Variants in MAP2K5 observed in about 807,000 individuals in gnomAD.
MAP2K5 encodes the protein dual specificity mitogen-activated protein kinase kinase 5.
In MAP2K5, 49 loss-of-function variants were observed where a neutral mutation model predicts 83.1. The ratio of observed to expected loss-of-function variants is 0.59; its 90% CI spans 0.47 to 0.75. The LOEUF is 0.75. Ranked by LOEUF, MAP2K5 falls within the 30% of genes least tolerant of loss-of-function variation. MAP2K5 has a pLI of 0.00. For synonymous variants in MAP2K5, 202 were observed against 191.8 expected (o/e 1.05, Z -0.44); for missense variants, 457 against 557.5 (o/e 0.82, Z 1.82).
intron 12 of MAP2K5, among the ~76,000 whole-genome samples, chr15:67,664,072 C>T (rs994271939): frequency 6.6e-6 from 1 of 151,980 alleles, no homozygotes; most frequent in Non-Finnish European, 1.5e-5. Flanking sequence ...ATTTGGAGTA[C>T]CTTATCTTCA....
intron 8 of MAP2K5, among the ~76,000 whole-genome samples, chr15:67,605,916 G>T (rs975220622): frequency 6.6e-6 from 1 of 152,154 alleles, no homozygotes; most frequent in African/African-American, 2.4e-5. Flanking sequence ...AGAAGAAAAA[G>T]AATATCCACA....
At position 67,801,091 on chromosome 15, in the gene MAP2K5, G is replaced by A. The variant is rs1057134181; in HGVS notation, c.1243-5555G>A. Among the ~76,000 whole-genome samples the A allele has an allele frequency of 2.0e-5, 3 of 152,150 alleles. No individual in the cohort carries two copies. Among genetic ancestry groups the A allele is most frequent in the African/African-American group, 4.8e-5 (2 of 41,424 alleles). On this transcript the variant is annotated intron_variant, in intron 21 of 21. Coordinates refer to ENST00000178640, the MANE Select transcript of MAP2K5 (RefSeq NM_145160.3). This position sits in a 1 kb window ranked among gnomAD's most constrained non-coding sequence, Gnocchi z 4.8. ...CACCTCACACCCTATGGCTCCGCTG[G>A]ACTGTGAGATCCCATCTAGTCCTAA...
At chr15:67,709,056 C>T (rs1473146354) in intron 16 of MAP2K5, among the ~76,000 whole-genome samples, 1 of 152,264 alleles carries the variant, frequency 6.6e-6, no homozygotes, top group East Asian at 1.9e-4. Context: ...TGATGTATGG[C>T]AGTTTGACTT....
intron 8 of MAP2K5, among the ~76,000 whole-genome samples, chr15:67,623,229 G>A (rs1310942906): frequency 1.3e-5 from 2 of 152,170 alleles, no homozygotes; most frequent in Non-Finnish European, 2.9e-5. Flanking sequence ...TGACGTTTCT[G>A]CTGAGATTAA....
chr15:67,570,594 C>A (rs2084930624), intron 3 of MAP2K5, among the ~76,000 whole-genome samples: 1 of 152,116 alleles, frequency 6.6e-6, no homozygotes, highest in Non-Finnish European at 1.5e-5. Context: ...TGTGAGAGGT[C>A]AGCATCATAA....
chr15:67,590,620 G>T (rs890630518), intron 6 of MAP2K5, among the ~76,000 whole-genome samples: 1 of 151,956 alleles, frequency 6.6e-6, no homozygotes, highest in South Asian at 2.1e-4. Context: ...GCCTGGCTAA[G>T]TTTTTAATTT....
At chr15:67,654,862 A>G (rs184774299) in intron 11 of MAP2K5, among the ~76,000 whole-genome samples, 3 of 152,212 alleles carry the variant, frequency 2.0e-5, no homozygotes, top group Admixed American at 2.0e-4. Context: ...GGAGTTCAAG[A>G]TTAGCCTGGC....
At chr15:67,656,217 C>A (rs1318874185) in intron 11 of MAP2K5, among the ~76,000 whole-genome samples, 2 of 152,096 alleles carry the variant, frequency 1.3e-5, no homozygotes, top group African/African-American at 4.8e-5. Context: ...AAATTAAATT[C>A]TGTCAATTTG....
At position 67,690,767 on chromosome 15, in the gene MAP2K5, C is replaced by G. The variant is rs2088089623; in HGVS notation, c.848-1712C>G. Among the ~76,000 whole-genome samples, 1 of 152,090 alleles carries G rather than the reference C, an allele frequency of 6.6e-6. No homozygotes were observed. The highest frequency in any genetic ancestry group is 1.5e-5 in the Non-Finnish European group (1 of 68,022). ...CAGGCTGGTCTTGAACTCCTGACCC[C>G]CAGTGATCTGCCTGCCTCAGCCTCC... On this transcript the variant is annotated intron_variant, in intron 13 of 21. Transcript: ENST00000178640. The surrounding 1 kb of genome is among the most constrained non-coding windows in gnomAD (Gnocchi z 4.3).
intron 3 of MAP2K5, among the ~76,000 whole-genome samples, chr15:67,569,820 C>T (rs2084915404): frequency 6.6e-6 from 1 of 152,134 alleles, no homozygotes; most frequent in South Asian, 2.1e-4. Flanking sequence ...GGCTCTGCTC[C>T]CAGTTCAGTT....
At position 67,724,654 on chromosome 15, in the gene MAP2K5, T is replaced by C. The variant is rs1194345182; in HGVS notation, c.1045-3262T>C. ...CCCAATAGAACTTGATAAAAAGAGT[T>C]CTAGAGCCTGGCTATATGTTTCCTT... On this transcript the variant is annotated intron_variant, in intron 16 of 21. Coordinates refer to ENST00000178640, the MANE Select transcript of MAP2K5 (RefSeq NM_145160.3). This position sits in a 1 kb window ranked among gnomAD's most constrained non-coding sequence, Gnocchi z 4.4. 1.3e-5 allele frequency among the ~76,000 whole-genome samples: 2 copies of C among 152,194 alleles called. No homozygotes were observed. Among genetic ancestry groups the C allele is most frequent in the Admixed American group, 1.3e-4 (2 of 15,282 alleles).
chr15:67,641,976 A>G (rs1414396678), intron 9 of MAP2K5, among the ~76,000 whole-genome samples: 1 of 152,220 alleles, frequency 6.6e-6, no homozygotes. Flanking sequence ...AGTTATTTTA[A>G]GGTGGGTTCT....
intron 13 of MAP2K5, among the ~76,000 whole-genome samples, chr15:67,687,604 A>G (rs1342146166): frequency 2.0e-5 from 3 of 152,178 alleles, no homozygotes; most frequent in Non-Finnish European, 2.9e-5. Context: ...GTGAGTGAGT[A>G]CTTTTAAATG....
At position 67,543,614 on chromosome 15, in the gene MAP2K5, G is replaced by T. The variant is rs2084338831; in HGVS notation, c.135+144G>T. ...AGGCAGTTTTATTGCTTCAGGCACA[G>T]CATTGATAAATTGCAACCACTAAAA... is the stretch of plus-strand genomic sequence containing the variant. On this transcript the variant is annotated intron_variant, in intron 1 of 21. Coordinates refer to ENST00000178640, the MANE Select transcript of MAP2K5 (RefSeq NM_145160.3). This position sits in a 1 kb window ranked among gnomAD's most constrained non-coding sequence, Gnocchi z 4.3. The T allele has an allele frequency of 1.1e-6, 1 of 888,590 alleles. No individual in the cohort carries two copies. The highest frequency in any genetic ancestry group is 2.6e-5 in the East Asian group (1 of 38,524). The allele number at this position is 888,590 out of a possible 1,614,324, so 55.0% of individuals were successfully genotyped here.
At chr15:67,789,146 T>A (rs933050437) in intron 21 of MAP2K5, among the ~76,000 whole-genome samples, 1 of 152,252 alleles carries the variant, frequency 6.6e-6, no homozygotes, top group Non-Finnish European at 1.5e-5. Context: ...CTTTTTTACT[T>A]AGTGAGTCAT....
rs539781065 is a variant in MAP2K5, at chr15:67,738,035, A to G, written c.1074+10090A>G. ...CCCGGCTAATTTTTGTATTTTTAAT[A>G]GAGATGAGATTTCGCCATGTTGGCC... On this transcript the variant is annotated intron_variant, in intron 17 of 21. Transcript: ENST00000178640. The surrounding 1 kb of genome is among the most constrained non-coding windows in gnomAD (Gnocchi z 4.1). Among the ~76,000 whole-genome samples, 19 of 151,950 alleles carry G rather than the reference A, an allele frequency of 1.3e-4. No individual in the cohort carries two copies. The South Asian group carries it at 3.8e-3, about 30-fold the overall frequency.
chr15:67,733,981 A>G (rs2089283829), intron 17 of MAP2K5, among the ~76,000 whole-genome samples: 1 of 152,210 alleles, frequency 6.6e-6, no homozygotes, highest in Admixed American at 6.5e-5. Context: ...TCCTGCTATT[A>G]ACCAAGGAAA....
intron 13 of MAP2K5, among the ~76,000 whole-genome samples, chr15:67,683,176 A>G (rs2141187728): frequency 6.6e-6 from 1 of 152,312 alleles, no homozygotes; most frequent in South Asian, 2.1e-4. Flanking sequence ...GCATGTTTTA[A>G]ATGAAACCTT....
rs867762169 is a variant in MAP2K5 at position 67,794,675 on chromosome 15, C to T, written c.1243-11971C>T. ...AAAAAAAAGACGGTACTTCATTTAG[C>T]GTTATTTACATTTACCCAAAGTTTT... On this transcript the variant is annotated intron_variant, in intron 21 of 21. Transcript: ENST00000178640. This position sits in a 1 kb window ranked among gnomAD's most constrained non-coding sequence, Gnocchi z 4.6. 2.7e-5 allele frequency among the ~76,000 whole-genome samples: 4 copies of T among 147,640 alleles called. No individual in the cohort carries two copies. Among genetic ancestry groups the T allele is most frequent in the Admixed American group, 6.8e-5 (1 of 14,780 alleles).
Sources: allele counts gnomAD v4.1 joint callset (sites outside exome capture counted in the v4.1 genomes callset), GRCh38; gene constraint gnomAD v4.1.1; non-coding constraint Gnocchi (gnomAD v3.1); transcripts MANE v1.5; gene names NCBI Gene and HGNC (gene_info 2026-07-23, HGNC 2026-07-21).